ZBTB20: variants seen among roughly 807,000 people sequenced by gnomAD.
The protein encoded by ZBTB20 is zinc finger and BTB domain containing 20, also known as zinc finger and BTB domain-containing protein 20.
In ZBTB20, 9 loss-of-function variants were observed where a neutral mutation model predicts 56.9. That is an observed-to-expected ratio of 0.16 (90% CI 0.10 to 0.28). ZBTB20 has a LOEUF of 0.28. ZBTB20 is among the 10% of genes least tolerant of loss of function. ZBTB20 has a pLI of 1.00. For missense variants in ZBTB20, 655 were observed against 1,003.0 expected (o/e 0.65, Z 4.69); for synonymous variants, 417 against 420.7 (o/e 0.99, Z 0.11).
intron 6 of ZBTB20, among the ~76,000 whole-genome samples, chr3:114,683,327 T>A (rs2062100019): frequency 2.0e-5 from 3 of 152,112 alleles, no homozygotes; most frequent in Non-Finnish European, 4.4e-5. Flanking sequence ...GTCATTTGTG[T>A]TGTGGAGTCT....
chr3:114,939,966 G>A (rs1353240534), intron 3 of ZBTB20, among the ~76,000 whole-genome samples: 1 of 146,486 alleles, frequency 6.8e-6, no homozygotes, highest in Non-Finnish European at 1.5e-5. Context: ...TTTCATTGTA[G>A]CATTGGGTTT....
chr3:114,511,786 G>A (rs1206264379), intron 6 of ZBTB20, among the ~76,000 whole-genome samples: 4 of 152,010 alleles, frequency 2.6e-5, no homozygotes, highest in South Asian at 4.1e-4. Context: ...CTTCTCTTAG[G>A]TAAGGCTGCC....
chr3:114,585,476 G>A (rs1328907886), intron 6 of ZBTB20, among the ~76,000 whole-genome samples: 1 of 152,182 alleles, frequency 6.6e-6, no homozygotes, highest in Admixed American at 6.5e-5. Flanking sequence ...AGCCGTATGT[G>A]CACATGTGTG....
At chr3:115,122,838 G>A (rs556686331) in intron 1 of ZBTB20, among the ~76,000 whole-genome samples, 11 of 151,986 alleles carry the variant, frequency 7.2e-5, no homozygotes, top group Non-Finnish European at 1.3e-4. Context: ...AGCCTACATT[G>A]ACATAGCTAT....
intron 2 of ZBTB20, among the ~76,000 whole-genome samples, chr3:115,006,910 C>T (rs1039616743): frequency 3.3e-5 from 5 of 151,548 alleles, no homozygotes. Context: ...TTTAGTTTAA[C>T]CTGATTTAGC....
chr3:114,753,387 ACATG>A (rs1341686222), intron 5 of ZBTB20, among the ~76,000 whole-genome samples: 24,249 of 141,904 alleles, frequency 0.17, 10,871 homozygotes, highest in Admixed American at 0.28. Flanking sequence ...ATATACACAT[ACATG>A]TATGTATATA....
At chr3:114,724,727 T>C (rs2065151413) in intron 5 of ZBTB20, among the ~76,000 whole-genome samples, 1 of 152,170 alleles carries the variant, frequency 6.6e-6, no homozygotes, top group Non-Finnish European at 1.5e-5. Context: ...TTGAAGGAAA[T>C]TGCAATAGTC....
chr3:114,427,763 T>C (rs2089804450), intron 7 of ZBTB20, among the ~76,000 whole-genome samples: 1 of 152,218 alleles, frequency 6.6e-6, no homozygotes, highest in African/African-American at 2.4e-5. Flanking sequence ...TATCGTGTAA[T>C]AAGAAATTAA....
intron 5 of ZBTB20, among the ~76,000 whole-genome samples, chr3:114,719,150 T>A (rs2064724675): frequency 7.5e-6 from 1 of 133,354 alleles, no homozygotes; most frequent in African/African-American, 2.9e-5. Flanking sequence ...AGTGAGCATT[T>A]TGGTAGCTGG....
intron 4 of ZBTB20, among the ~76,000 whole-genome samples, chr3:114,855,425 T>G (rs1349622211): frequency 1.3e-5 from 2 of 152,188 alleles, no homozygotes; most frequent in African/African-American, 4.8e-5. Flanking sequence ...TGAGCTAGTG[T>G]TTTCCTAGCA....
chr3:114,559,669 T>C (rs11915816), intron 6 of ZBTB20, among the ~76,000 whole-genome samples: 2,308 of 152,314 alleles, frequency 0.015, 56 homozygotes, highest in African/African-American at 0.052. Flanking sequence ...CCTAGGTAGA[T>C]TGGAAGGCTG....
rs373289868 is a variant in ZBTB20 at position 115,139,597 on chromosome 3, G to C, written c.-703+7622C>G. Among the ~76,000 whole-genome samples, 3 of 152,018 alleles carry C rather than the reference G, an allele frequency of 2.0e-5. No individual in the cohort carries two copies. In the East Asian group the frequency reaches 5.8e-4, roughly 29 times the overall value. ...CCAATTTTATAAGATCTGCATGGAG[G>C]TGGTTCCTGATTACTCAATGTATAC... On this transcript the variant is annotated intron_variant, in intron 1 of 11. Coordinates refer to ENST00000675478, the MANE Select transcript of ZBTB20 (RefSeq NM_001348800.3).
intron 5 of ZBTB20, among the ~76,000 whole-genome samples, chr3:114,714,551 A>T (rs2064326124): frequency 6.6e-6 from 1 of 152,078 alleles, no homozygotes; most frequent in Non-Finnish European, 1.5e-5. Flanking sequence ...GAAAAAAAAA[A>T]AAAAGCTAAA....
In ZBTB20 at chr3:114,325,607, G is replaced by C. The variant is rs1051477952; in HGVS notation, c.*13398C>G. ...TGAGAGATAGGCAAGAACAACAAGGGGTGAGTAGTGCTAACTTTCTCCGGT... is the reference window on the plus strand; with the variant it reads ...TGAGAGATAGGCAAGAACAACAAGGCGTGAGTAGTGCTAACTTTCTCCGGT... On this transcript the variant is annotated 3_prime_UTR_variant, in exon 12 of 12. Transcript: ENST00000675478. 11 of 152,050 alleles carry C rather than the reference G, an allele frequency of 7.2e-5. No individual in the cohort carries two copies. Among genetic ancestry groups the C allele is most frequent in the African/African-American group, 2.4e-4 (10 of 41,380 alleles). 9.4% of individuals were successfully genotyped at this position (152,050 alleles called of 1,614,324 possible). A position where few individuals can be genotyped will look rare whatever the true frequency, so the allele number is the denominator to read the frequency against.
At chr3:114,991,056 G>T (rs921563747) in intron 2 of ZBTB20, among the ~76,000 whole-genome samples, 1 of 152,016 alleles carries the variant, frequency 6.6e-6, no homozygotes, top group African/African-American at 2.4e-5. Context: ...CAAAAAACCA[G>T]CTCCTGGATT....
intron 11 of ZBTB20, among the ~76,000 whole-genome samples, chr3:114,348,735 T>A (rs1167545513): frequency 6.6e-6 from 1 of 152,254 alleles, no homozygotes; most frequent in East Asian, 1.9e-4. Context: ...TCTATCTCTG[T>A]TGCTTTCCTT....
chr3:115,092,258 T>C (rs2083226136), intron 1 of ZBTB20, among the ~76,000 whole-genome samples: 1 of 152,120 alleles, frequency 6.6e-6, no homozygotes, highest in African/African-American at 2.4e-5. Flanking sequence ...GTTTTTTTGT[T>C]GTTGTTTGTT....
chr3:114,643,041 GA>G (rs930474412), intron 6 of ZBTB20, among the ~76,000 whole-genome samples: 10 of 151,930 alleles, frequency 6.6e-5, no homozygotes, highest in Admixed American at 2.0e-4. Flanking sequence ...GAAATTCAAG[GA>G]AAAAAATATT....
intron 3 of ZBTB20, among the ~76,000 whole-genome samples, chr3:114,945,660 G>T (rs2076860545): frequency 6.9e-6 from 1 of 145,406 alleles, no homozygotes; most frequent in African/African-American, 2.8e-5. Context: ...AAATAGAAAA[G>T]TACAGTAAGA....
Sources: gnomAD v4.1 joint callset for allele counts (sites outside exome capture counted in the v4.1 genomes callset) on GRCh38, gnomAD v4.1.1 for gene constraint, MANE v1.5 for transcripts, NCBI Gene and HGNC (gene_info 2026-07-23, HGNC 2026-07-21) for gene names.